CTNNA3: variants seen among roughly 807,000 people sequenced by gnomAD.
The protein encoded by CTNNA3 is catenin alpha-3.
Under a neutral mutation model 95.7 loss-of-function variants are expected in CTNNA3, and 76 were observed. The ratio of observed to expected loss-of-function variants is 0.79; its 90% CI spans 0.66 to 0.96. The LOEUF (loss-of-function observed/expected upper bound fraction) is 0.96. Among genes scored for constraint, CTNNA3 ranks in the 40% least tolerant of loss-of-function variants. The pLI is 0.00. For synonymous variants in CTNNA3, 431 were observed against 374.4 expected, an observed-to-expected ratio of 1.15 and a Z score of -1.74; for missense variants, 1,191 against 1,089.8, an observed-to-expected ratio of 1.09 and a Z score of -1.31.
At chr10:67,742,678 AC>A (rs1841347568) in intron 1 of CTNNA3, among the ~76,000 whole-genome samples, 2 of 146,552 alleles carry the variant, frequency 1.4e-5, no homozygotes. Context: ...AAATAGAGAC[AC>A]AAAAAACCCT....
chr10:66,690,665 T>C (rs1847491010), intron 9 of CTNNA3, among the ~76,000 whole-genome samples: 1 of 151,802 alleles, frequency 6.6e-6, no homozygotes, highest in South Asian at 2.1e-4. Flanking sequence ...TCATTTTTTA[T>C]GGCTGCATAG....
chr10:67,073,944 G>A (rs1206242625), intron 7 of CTNNA3, among the ~76,000 whole-genome samples: 2 of 151,086 alleles, frequency 1.3e-5, no homozygotes, highest in Non-Finnish European at 2.9e-5. Flanking sequence ...TAATAGCAGA[G>A]TTTCTAGGTT....
At chr10:67,734,890 A>G (rs1012773597) in intron 1 of CTNNA3, among the ~76,000 whole-genome samples, 3 of 152,188 alleles carry the variant, frequency 2.0e-5, no homozygotes, top group African/African-American at 7.2e-5. Context: ...AACCTATGAT[A>G]CATACATGGA....
chr10:66,532,289 C>T lies in CTNNA3; in HGVS notation c.1375-11516G>A, dbSNP rs551129532. 7.9e-5 allele frequency among the ~76,000 whole-genome samples: 12 copies of T among 152,002 alleles called. No homozygotes were observed. The South Asian group carries it at 2.5e-3, about 32-fold the overall frequency. ...CATCCTGGCTAACATGGTGAAACCC[C>T]GTCTCTACTAAAAATACAAAAAATT... On this transcript the variant is annotated intron_variant, in intron 10 of 17. Coordinates refer to ENST00000433211, the MANE Select transcript of CTNNA3 (RefSeq NM_013266.4).
intron 13 of CTNNA3, among the ~76,000 whole-genome samples, chr10:66,163,526 C>T (rs148737894): frequency 6.6e-4 from 100 of 152,262 alleles, no homozygotes; most frequent in African/African-American, 2.4e-3. Flanking sequence ...CTCCCTTTCC[C>T]ACTTCTTCAG....
intron 5 of CTNNA3, among the ~76,000 whole-genome samples, chr10:67,312,459 A>G (rs1840852933): frequency 6.6e-6 from 1 of 152,230 alleles, no homozygotes; most frequent in Non-Finnish European, 1.5e-5. Context: ...GAGAAGTGAC[A>G]GTAAAGCTGA....
intron 11 of CTNNA3, among the ~76,000 whole-genome samples, chr10:66,382,577 T>A (rs1412926021): frequency 6.6e-6 from 1 of 152,074 alleles, no homozygotes; most frequent in East Asian, 1.9e-4. Context: ...AGAGCAGTGG[T>A]TCTCGTTCTC....
chr10:67,414,973 T>C (rs1669310002), intron 5 of CTNNA3, among the ~76,000 whole-genome samples: 1 of 152,170 alleles, frequency 6.6e-6, no homozygotes, highest in South Asian at 2.1e-4. Flanking sequence ...CATTCCTTCA[T>C]TATAAAAATC....
At chr10:67,202,999 G>C (rs1196498264) in intron 6 of CTNNA3, among the ~76,000 whole-genome samples, 1 of 152,102 alleles carries the variant, frequency 6.6e-6, no homozygotes, top group Non-Finnish European at 1.5e-5. Context: ...GTGTTAAAAT[G>C]ATTTACCTCC....
chr10:66,547,435 CG>C (rs1554815800), intron 10 of CTNNA3, among the ~76,000 whole-genome samples: 1 of 142,254 alleles, frequency 7.0e-6, no homozygotes, highest in Non-Finnish European at 1.5e-5. Flanking sequence ...CTCCACCTCC[CG>C]GGTTGATGCC....
chr10:66,755,346 AG>A (rs1839321049), intron 9 of CTNNA3, among the ~76,000 whole-genome samples: 1 of 152,176 alleles, frequency 6.6e-6, no homozygotes, highest in South Asian at 2.1e-4. Flanking sequence ...TCAGGGAGAT[AG>A]AAAAAATGTT....
intron 7 of CTNNA3, among the ~76,000 whole-genome samples, chr10:67,020,700 G>T (rs1852950670): frequency 6.6e-6 from 1 of 152,146 alleles, no homozygotes. Flanking sequence ...TTTAAGGGGA[G>T]AATAAGCACT....
intron 9 of CTNNA3, among the ~76,000 whole-genome samples, chr10:66,669,787 G>A (rs922206037): frequency 6.6e-6 from 1 of 152,004 alleles, no homozygotes; most frequent in Non-Finnish European, 1.5e-5. Context: ...GGTAAAGAGA[G>A]GATTCATCTT....
intron 10 of CTNNA3, among the ~76,000 whole-genome samples, chr10:66,532,416 C>T (rs554061279): frequency 2.0e-5 from 3 of 151,162 alleles, no homozygotes; most frequent in East Asian, 2.0e-4. Context: ...GAGCTGAGAT[C>T]GCGCCACTGT....
At chr10:66,343,870 A>T (rs1018866648) in intron 12 of CTNNA3, among the ~76,000 whole-genome samples, 1 of 151,960 alleles carries the variant, frequency 6.6e-6, no homozygotes, top group Admixed American at 6.6e-5. Flanking sequence ...AAATAAATTT[A>T]AAAAGACAAG....
At chr10:67,230,972 TA>T (rs1036745517) in intron 5 of CTNNA3, among the ~76,000 whole-genome samples, 1 of 152,036 alleles carries the variant, frequency 6.6e-6, no homozygotes, top group Admixed American at 6.5e-5. Flanking sequence ...CCGACGGGCT[TA>T]AAAAACGGCG....
chr10:67,011,735 T>C (rs1379430091), intron 7 of CTNNA3, among the ~76,000 whole-genome samples: 5 of 152,166 alleles, frequency 3.3e-5, no homozygotes. Flanking sequence ...ATGTATGAAC[T>C]AATTTAATCC....
intron 12 of CTNNA3, among the ~76,000 whole-genome samples, chr10:66,307,665 G>A (rs957666465): frequency 1.3e-5 from 2 of 152,180 alleles, no homozygotes; most frequent in East Asian, 3.9e-4. Flanking sequence ...ATTCTCATTT[G>A]CAAACTGTGA....
chr10:66,193,150 T>C (rs1389935868), intron 13 of CTNNA3, among the ~76,000 whole-genome samples: 2 of 152,282 alleles, frequency 1.3e-5, no homozygotes, highest in African/African-American at 2.4e-5. Context: ...TAAACTATGA[T>C]ATTTATTCTC....
Sources: gnomAD v4.1 joint callset for allele counts (sites outside exome capture counted in the v4.1 genomes callset) on GRCh38, gnomAD v4.1.1 for gene constraint, MANE v1.5 for transcripts, NCBI Gene and HGNC (gene_info 2026-07-23, HGNC 2026-07-21) for gene names.